SLC6A17: variants seen among roughly 807,000 people sequenced by gnomAD.
SLC6A17 encodes sodium-dependent neutral amino acid transporter SLC6A17.
A neutral mutation model predicts 64.5 loss-of-function variants in SLC6A17; 21 were observed. The ratio of observed to expected loss-of-function variants is 0.33; its 90% CI spans 0.23 to 0.47. The LOEUF is 0.47. Ranked by LOEUF, SLC6A17 falls within the 20% of genes least tolerant of loss-of-function variation. The pLI is 1.00. For synonymous variants in SLC6A17, 372 were observed against 399.5 expected, an observed-to-expected ratio of 0.93 and a Z score of 0.82; for missense variants, 682 against 963.2, an observed-to-expected ratio of 0.71 and a Z score of 3.86.
rs1214757034 is a variant in SLC6A17, at chr1:110,192,148, C to T, written c.1041C>T (p.Ala347=). The part of the protein sequence containing the change: ...SFINFFTSVL[A]TLVVFAVLGF... The stretch of plus-strand genomic sequence containing the variant: ...TCAACTTCTTCACGTCAGTGTTGGC[C>T]ACCCTCGTGGTGTTTGCTGTGCTGG... Residue 347 remains alanine, a synonymous_variant, in exon 7 of 12, where the codon GCC becomes GCT. Coordinates refer to ENST00000331565, the MANE Select transcript of SLC6A17 (RefSeq NM_001010898.4). This position sits in a 1 kb window ranked among gnomAD's most constrained non-coding sequence, Gnocchi z 4.3. The T allele has an allele frequency of 1.9e-6, 3 of 1,614,080 alleles. No homozygotes were observed. Among genetic ancestry groups the T allele is most frequent in the Non-Finnish European group, 2.5e-6 (3 of 1,180,046 alleles).
At chr1:110,179,527 TC>T (rs1557836348) in intron 6 of SLC6A17, among the ~76,000 whole-genome samples, 1 of 26,766 alleles carries the variant, frequency 3.7e-5, no homozygotes, top group African/African-American at 1.7e-4. Context: ...CCCTTCCCCT[TC>T]CCCTCCCCTC....
intron 3 of SLC6A17, 180 bp downstream of exon 3, chr1:110,172,397 T>C: frequency 2.6e-6 from 2 of 783,846 alleles, no homozygotes; most frequent in Non-Finnish European, 2.0e-6. Flanking sequence ...CCATGTTTCC[T>C]AAACTGAGAG....
rs1292382655 is a variant in SLC6A17, at chr1:110,199,775, A to G, written c.*1331A>G. The G allele has an allele frequency of 2.6e-6, 1 of 388,010 alleles. No individual in the cohort carries two copies. Among genetic ancestry groups the G allele is most frequent in the Non-Finnish European group, 4.5e-6 (1 of 219,816 alleles). 24.0% of individuals were successfully genotyped at this position (388,010 alleles called of 1,614,324 possible). ...CCATTACCTTCAGGGCCTCCTCTGG[A>G]AGAGAACCCATTCTCAGAGTGCAGC... On this transcript the variant is annotated 3_prime_UTR_variant, in exon 12 of 12. Transcript: ENST00000331565.
At chr1:110,197,929 C>A in intron 11 of SLC6A17, 147 bp from the exon 12 acceptor site, 1 of 1,373,104 alleles carries the variant, frequency 7.3e-7, no homozygotes. Context: ...CCAGGTAAAC[C>A]CCCATCCTTG....
chr1:110,175,044 C>T (rs1259137101), intron 5 of SLC6A17, 84 bp downstream of exon 5: 4 of 1,500,938 alleles, frequency 2.7e-6, no homozygotes, highest in Middle Eastern at 2.4e-4. Flanking sequence ...TTCCAGGCTG[C>T]CCTTTGCAGG....
intron 6 of SLC6A17, among the ~76,000 whole-genome samples, chr1:110,188,944 G>C (rs1470460790): frequency 1.3e-5 from 2 of 152,076 alleles, no homozygotes; most frequent in African/African-American, 2.4e-5. Flanking sequence ...ACTCCCTCAG[G>C]GTCTTTCACT....
In SLC6A17 at chr1:110,195,104, G is replaced by A. The variant is rs959187056; in HGVS notation, c.1492+333G>A. On this transcript the variant is annotated intron_variant, in intron 9 of 11. Transcript: ENST00000331565. ...GGGCAGGGGCACTCACTGGCCTTGC[G>A]CCCTGTTCCATCTTTGTCACTCCAG... The A allele has an allele frequency of 2.1e-5, 9 of 436,270 alleles. No homozygotes were observed. In the Admixed American group the frequency reaches 2.4e-4, roughly 12 times the overall value. The allele number at this position is 436,270 out of a possible 1,614,324, so 27.0% of individuals were successfully genotyped here.
chr1:110,186,855 A>C (rs1656698931), intron 6 of SLC6A17, among the ~76,000 whole-genome samples: 1 of 152,202 alleles, frequency 6.6e-6, no homozygotes. Context: ...AATTAGGAAA[A>C]ACTTTAAAGA....
At chr1:110,169,383 TA>T (rs1656156795) in intron 2 of SLC6A17, among the ~76,000 whole-genome samples, 1 of 152,192 alleles carries the variant, frequency 6.6e-6, no homozygotes, top group African/African-American at 2.4e-5. Context: ...GCCATTTTTG[TA>T]AGTCAAAAAT....
At chr1:110,183,861 G>A (rs1250898338) in intron 6 of SLC6A17, among the ~76,000 whole-genome samples, 3 of 152,122 alleles carry the variant, frequency 2.0e-5, no homozygotes, top group Non-Finnish European at 4.4e-5. Flanking sequence ...AGGAAGGGAG[G>A]AGGAGGACTT....
chr1:110,150,740 C>A lies in SLC6A17; in HGVS notation c.-231C>A, dbSNP rs1655573341. The A allele has an allele frequency of 6.6e-6, 1 of 152,182 alleles. No individual in the cohort carries two copies. The highest frequency in any genetic ancestry group is 1.5e-5 in the Non-Finnish European group (1 of 68,040). 9.4% of individuals were successfully genotyped at this position (152,182 alleles called of 1,614,324 possible). On this transcript the variant is annotated 5_prime_UTR_variant, in exon 1 of 12. Coordinates refer to ENST00000331565, the MANE Select transcript of SLC6A17 (RefSeq NM_001010898.4). ...TGAGGAGCGAGCGGAGTCGCGTGCGCCGGCGCGCAGCTCCGGGTCGCCCCA... is the reference window on the plus strand; with the variant it reads ...TGAGGAGCGAGCGGAGTCGCGTGCGACGGCGCGCAGCTCCGGGTCGCCCCA...
In SLC6A17 at chr1:110,197,610, G is replaced by C. The variant is rs1657004803; in HGVS notation, c.1815+11G>C. 6.3e-7 allele frequency: 1 copy of C among 1,583,890 alleles called. No individual in the cohort carries two copies. Among genetic ancestry groups the C allele is most frequent in the African/African-American group, 1.4e-5 (1 of 73,726 alleles). On this transcript the variant is annotated intron_variant, in intron 11 of 11. Coordinates refer to ENST00000331565, the MANE Select transcript of SLC6A17 (RefSeq NM_001010898.4). ...TGGATCAAGGAGGAGGTGAGGGGTG[G>C]GGCCCCAAACCCCAGGGACATTTGC...
intron 1 of SLC6A17, among the ~76,000 whole-genome samples, chr1:110,165,239 T>G (rs1656015023): frequency 6.6e-6 from 1 of 152,132 alleles, no homozygotes; most frequent in Non-Finnish European, 1.5e-5. Flanking sequence ...TTCACTTGTG[T>G]AGCACAGGCA....
chr1:110,187,638 C>T (rs926039658), intron 6 of SLC6A17, among the ~76,000 whole-genome samples: 5 of 152,224 alleles, frequency 3.3e-5, no homozygotes, highest in Non-Finnish European at 7.3e-5. Flanking sequence ...CACCAAACTG[C>T]TCAGAGCCCT....
At position 110,198,343 on chromosome 1, in the gene SLC6A17, C is replaced by G; in HGVS notation, c.2083C>G (p.Leu695Val). Residue 695 changes from leucine (L) to valine (V), a missense_variant, in exon 12 of 12, where the codon CTG (leucine) becomes GTG (valine). Transcript: ENST00000331565. Reference protein sequence around the residue: ...PSPMPTHRSYLGPGSTSPLET... With the variant: ...PSPMPTHRSYVGPGSTSPLET... ...CCCCATGCCCACTCACCGTTCCTAT[C>G]TGGGGCCCGGCAGCACATCACCCCT... is the stretch of plus-strand genomic sequence containing the variant. The G allele has an allele frequency of 6.2e-7, 1 of 1,614,200 alleles. No individual in the cohort carries two copies. Among genetic ancestry groups the G allele is most frequent in the Non-Finnish European group, 8.5e-7 (1 of 1,180,030 alleles).
intron 3 of SLC6A17, 50 bp from the exon 4 acceptor site, chr1:110,173,913 CGTGGGGGCAG>C: frequency 1.5e-5 from 24 of 1,584,710 alleles, no homozygotes; most frequent in East Asian, 1.1e-4. Flanking sequence ...TCGGGTGGAG[CGTGGGGGCAG>C]GGTGGAGTTG....
At chr1:110,161,040 G>T (rs548908473) in intron 1 of SLC6A17, among the ~76,000 whole-genome samples, 1 of 152,320 alleles carries the variant, frequency 6.6e-6, no homozygotes, top group East Asian at 1.9e-4. Flanking sequence ...AGGCAAGAGA[G>T]GTCAAGAAGG....
chr1:110,157,588 T>C (rs1450864476), intron 1 of SLC6A17, among the ~76,000 whole-genome samples: 5 of 151,582 alleles, frequency 3.3e-5, no homozygotes, highest in Non-Finnish European at 7.4e-5. Flanking sequence ...AATAAATAAA[T>C]AAAAATAAAA....
Position 110,192,109 on chromosome 1 carries a change from C to A in SLC6A17, c.1002C>A (p.Ala334=). Residue 334 remains alanine, a synonymous_variant, in exon 7 of 12, where the codon GCC becomes GCA. Transcript: ENST00000331565. This position sits in a 1 kb window ranked among gnomAD's most constrained non-coding sequence, Gnocchi z 4.3. ...KQDNNCHFDA[A]LVSFINFFTS... is the part of the protein sequence containing the mutation. ...ACAACAACTGCCACTTCGATGCCGC[C>A]CTGGTGTCCTTCATCAACTTCTTCA... 1 of 1,614,218 alleles carries A rather than the reference C, an allele frequency of 6.2e-7. No homozygotes were observed. Among genetic ancestry groups the A allele is most frequent in the East Asian group, 2.2e-5 (1 of 44,886 alleles).
Sources: allele counts gnomAD v4.1 joint callset (sites outside exome capture counted in the v4.1 genomes callset), GRCh38; gene constraint gnomAD v4.1.1; non-coding constraint Gnocchi (gnomAD v3.1); transcripts MANE v1.5; gene names NCBI Gene and HGNC (gene_info 2026-07-23, HGNC 2026-07-21).